SLC40A1: variants seen among roughly 807,000 people sequenced by gnomAD.
SLC40A1 encodes the protein ferroportin.
Under a neutral mutation model 53.5 loss-of-function variants are expected in SLC40A1, and 16 were observed. The ratio of observed to expected loss-of-function variants is 0.30; its 90% CI spans 0.20 to 0.45. The LOEUF (loss-of-function observed/expected upper bound fraction) is 0.45. Among genes scored for constraint, SLC40A1 ranks in the 20% least tolerant of loss-of-function variants. SLC40A1 has a pLI of 1.00. For synonymous variants in SLC40A1, 247 were observed against 253.2 expected (o/e 0.98, Z 0.23); for missense variants, 545 against 695.4 (o/e 0.78, Z 2.43).
intron 3 of SLC40A1, among the ~76,000 whole-genome samples, chr2:189,573,436 C>A (rs908817009): frequency 1.3e-5 from 2 of 152,136 alleles, no homozygotes; most frequent in Admixed American, 1.3e-4. Flanking sequence ...AAAAATTTGC[C>A]AAGAATAAAG....
intron 5 of SLC40A1, 150 bp downstream of exon 5, chr2:189,571,565 A>G: frequency 6.1e-6 from 8 of 1,300,848 alleles, no homozygotes; most frequent in Non-Finnish European, 7.4e-6. Flanking sequence ...ACTAAAACTG[A>G]CAATAAGGTA....
At chr2:189,572,561 T>C (rs763255866) in intron 4 of SLC40A1, 7 of 493,818 alleles carry the variant, frequency 1.4e-5, no homozygotes, top group South Asian at 6.6e-5. Flanking sequence ...AAACAAAGTA[T>C]AGGTCACTAA....
chr2:189,577,675 T>G (rs1329653621), intron 2 of SLC40A1, among the ~76,000 whole-genome samples: 2 of 149,524 alleles, frequency 1.3e-5, no homozygotes, highest in East Asian at 2.0e-4. Context: ...AGTGTAGTGG[T>G]GTGATCACAG....
chr2:189,580,491 G>A lies in SLC40A1; in HGVS notation c.-31C>T, dbSNP rs753784669. The A allele has an allele frequency of 6.2e-7, 1 of 1,612,624 alleles. No individual in the cohort carries two copies. Among genetic ancestry groups the A allele is most frequent in the East Asian group, 2.2e-5 (1 of 44,870 alleles). ...TAGGCGACCCCGCTGGCTCTTCTGC[G>A]GCTGCTATCGCTGCTGCTGCTCTCG... is the stretch of plus-strand genomic sequence containing the variant. On this transcript the variant is annotated 5_prime_UTR_variant, in exon 1 of 8. Transcript: ENST00000261024.
chr2:189,566,144 G>A (rs982884462), intron 5 of SLC40A1, among the ~76,000 whole-genome samples: 4 of 151,888 alleles, frequency 2.6e-5, no homozygotes, highest in African/African-American at 9.7e-5. Context: ...AGTGCCCAGG[G>A]GAATGTTCTA....
At chr2:189,574,673 A>T (rs1032484823) in intron 3 of SLC40A1, among the ~76,000 whole-genome samples, 6 of 152,210 alleles carry the variant, frequency 3.9e-5, no homozygotes, top group African/African-American at 1.2e-4. Flanking sequence ...TACAAAATTT[A>T]TAATTCAGCT....
In SLC40A1 at chr2:189,580,769, TCCGCCGCCG is replaced by T. The variant is rs3833570; in HGVS notation, c.-318_-310del. On this transcript the variant is annotated 5_prime_UTR_variant, in exon 1 of 8. Transcript: ENST00000261024. ...TAGCGGACGCCCTGAGCCAGCTCTC[TCCGCCGCCG>T]CCGCCGCCGCCGTGGGCCGGGCCCA... 6.6e-6 allele frequency: 8 copies of T among 1,208,528 alleles called. No individual in the cohort carries two copies. In the South Asian group the frequency reaches 9.7e-5, roughly 15 times the overall value. The allele number at this position is 1,208,528 out of a possible 1,614,324, so 74.9% of individuals were successfully genotyped here.
Position 189,580,550 on chromosome 2 carries a change from G to A in SLC40A1, c.-90C>T, listed in dbSNP as rs770389099. 17 of 1,605,392 alleles carry A rather than the reference G, an allele frequency of 1.1e-5. No individual in the cohort carries two copies. The highest frequency in any genetic ancestry group is 1.4e-5 in the Non-Finnish European group (16 of 1,179,348). On this transcript the variant is annotated 5_prime_UTR_variant, in exon 1 of 8. Transcript: ENST00000261024. ...CTTGTTAACAGGAGTGCAAGGAACTGGAGATAGCACCTCTAAAAACACAAC... is the reference window on the plus strand; with the variant it reads ...CTTGTTAACAGGAGTGCAAGGAACTAGAGATAGCACCTCTAAAAACACAAC...
chr2:189,562,822 A>G (rs1461133795), intron 7 of SLC40A1, among the ~76,000 whole-genome samples: 1 of 152,098 alleles, frequency 6.6e-6, no homozygotes, highest in Admixed American at 6.6e-5. Context: ...TGTGTGGCAA[A>G]CTATATAATA....
intron 3 of SLC40A1, among the ~76,000 whole-genome samples, 155 bp from the exon 4 acceptor site, chr2:189,573,116 A>G (rs541374471): frequency 1.3e-5 from 2 of 152,344 alleles, no homozygotes; most frequent in East Asian, 1.9e-4. Flanking sequence ...TCCTGCCTCA[A>G]CTACTCTCAA....
intron 5 of SLC40A1, among the ~76,000 whole-genome samples, chr2:189,570,669 G>C (rs1340299704): frequency 6.6e-6 from 1 of 152,128 alleles, no homozygotes; most frequent in East Asian, 1.9e-4. Context: ...CAACCACAAA[G>C]TGATGATTCA....
At chr2:189,563,166 T>C (rs2030808271) in intron 7 of SLC40A1, among the ~76,000 whole-genome samples, 1 of 151,584 alleles carries the variant, frequency 6.6e-6, no homozygotes, top group African/African-American at 2.4e-5. Flanking sequence ...TCCCAGCTAC[T>C]TGGGGGACTG....
intron 2 of SLC40A1, among the ~76,000 whole-genome samples, chr2:189,578,682 T>C (rs1165007547): frequency 1.3e-5 from 2 of 152,238 alleles, no homozygotes; most frequent in Non-Finnish European, 2.9e-5. Flanking sequence ...CTACTTAGCA[T>C]CATCAGCTGT....
intron 2 of SLC40A1, among the ~76,000 whole-genome samples, chr2:189,575,532 T>A (rs1018114463): frequency 6.6e-6 from 1 of 152,166 alleles, no homozygotes; most frequent in African/African-American, 2.4e-5. Flanking sequence ...TAAGTAAACT[T>A]GAAAAGGCAT....
chr2:189,574,719 C>T (rs976567653), intron 3 of SLC40A1, among the ~76,000 whole-genome samples: 2 of 152,098 alleles, frequency 1.3e-5, no homozygotes, highest in African/African-American at 4.8e-5. Context: ...TGCCTTGAAG[C>T]TATTCTTAGT....
At position 189,575,295 on chromosome 2, in the gene SLC40A1, A is replaced by G. The variant is rs754563739; in HGVS notation, c.137T>C (p.Val46Ala). Residue 46 changes from valine to alanine, a missense_variant, in exon 3 of 8, where the codon GTG (valine) becomes GCG (alanine). Val to Ala is a moderately conservative substitution (Grantham distance 64). This residue lies in a region of SLC40A1 where 197 missense variants were observed against 278.8 expected (regional missense o/e 0.71). Transcript: ENST00000261024. ...TWGDRMWHFA[V>A]SVFLVELYGN... Reference sequence around the variant, plus strand: ...ATAGAGCTCTACCAGAAACACAGACACCGCAAAGTGCCACATCCGATCTCC... The same window carrying G: ...ATAGAGCTCTACCAGAAACACAGACGCCGCAAAGTGCCACATCCGATCTCC... 1.9e-6 allele frequency: 3 copies of G among 1,614,146 alleles called. No individual in the cohort carries two copies. The highest frequency in any genetic ancestry group is 1.7e-5 in the Admixed American group (1 of 60,010).
chr2:189,568,436 T>G (rs1330814326), intron 5 of SLC40A1, among the ~76,000 whole-genome samples: 1 of 151,700 alleles, frequency 6.6e-6, no homozygotes, highest in Non-Finnish European at 1.5e-5. Context: ...TTGCAGTGAG[T>G]TGAGACTGTG....
In SLC40A1 at chr2:189,563,085, G is replaced by A. The variant is rs140888265; in HGVS notation, c.1402+499C>T. Among the ~76,000 whole-genome samples the A allele has an allele frequency of 5.2e-3, 783 of 150,870 alleles. 8 individuals carry two copies. Among genetic ancestry groups the A allele is most frequent in the Non-Finnish European group, 7.4e-3 (504 of 67,802 alleles). ...AGCTCAGTAATTCAAGACCACCTTC[G>A]GCAACATGGCAAAACCCCATCTCTA... is the stretch of plus-strand genomic sequence containing the variant. On this transcript the variant is annotated intron_variant, in intron 7 of 7. Coordinates refer to ENST00000261024, the MANE Select transcript of SLC40A1 (RefSeq NM_014585.6).
chr2:189,575,364 T>A (rs1045257421), intron 2 of SLC40A1, 44 bp from the exon 3 acceptor site: 1 of 1,607,910 alleles, frequency 6.2e-7, no homozygotes, highest in Non-Finnish European at 8.5e-7. Flanking sequence ...ATTTTTCGTT[T>A]CTAGTCTATT....
Sources: gnomAD v4.1 joint callset for allele counts (sites outside exome capture counted in the v4.1 genomes callset) on GRCh38, gnomAD v4.1.1 for gene constraint, gnomAD v4.1.1 regional missense constraint, MANE v1.5 for transcripts, NCBI Gene and HGNC (gene_info 2026-07-23, HGNC 2026-07-21) for gene names.